SEMA6D: variants seen among roughly 807,000 people sequenced by gnomAD.
The protein encoded by SEMA6D is semaphorin 6D, also known as semaphorin-6D.
A neutral mutation model predicts 106.6 loss-of-function variants in SEMA6D; 35 were observed. That is an observed-to-expected ratio of 0.33 (90% confidence interval 0.25 to 0.44). The LOEUF (loss-of-function observed/expected upper bound fraction) is 0.44, where lower values mean the gene tolerates loss of function less well. Ranked by LOEUF, SEMA6D falls within the 20% of genes least tolerant of loss-of-function variation. The pLI, the probability that SEMA6D is intolerant of heterozygous loss-of-function variation, is 1.00. For synonymous variants in SEMA6D, 499 were observed against 487.7 expected (o/e 1.02, Z -0.31); for missense variants, 1,185 against 1,345.9 (o/e 0.88, Z 1.87).
At chr15:47,746,984 G>GTGTGTATATATATATATATATATA (rs1401767590) in intron 1 of SEMA6D, among the ~76,000 whole-genome samples, 5 of 122,044 alleles carry the variant, frequency 4.1e-5, no homozygotes, top group South Asian at 2.8e-4. Context: ...GTGTGTGTGT[G>GTGTGTATATATATATATATATATA]TATATATATA....
At chr15:47,441,892 C>G (rs902043002) in intron 2 of SEMA6D, among the ~76,000 whole-genome samples, 1 of 151,922 alleles carries the variant, frequency 6.6e-6, no homozygotes, top group African/African-American at 2.4e-5. Context: ...ACTCAGAGAT[C>G]TCCTGTAACC....
intron 1 of SEMA6D, among the ~76,000 whole-genome samples, chr15:47,322,474 A>G (rs1301876419): frequency 6.6e-6 from 1 of 152,036 alleles, no homozygotes. Flanking sequence ...TTTTTCAGGT[A>G]CTTTCTCATC....
intron 2 of SEMA6D, among the ~76,000 whole-genome samples, chr15:47,432,362 G>A (rs16959485): frequency 0.25 from 37,536 of 151,940 alleles, 5,571 homozygotes; most frequent in Middle Eastern, 0.45. Flanking sequence ...ATTTTGTTGA[G>A]ACTGGTGAAA....
At chr15:47,357,102 A>AGGCG (rs2038604830) in intron 1 of SEMA6D, among the ~76,000 whole-genome samples, 1 of 152,044 alleles carries the variant, frequency 6.6e-6, no homozygotes, top group Admixed American at 6.6e-5. Context: ...TGGGAGGCGG[A>AGGCG]GGCGGGCGGA....
chr15:47,626,028 G>A (rs1331620025), intron 4 of SEMA6D, among the ~76,000 whole-genome samples: 3 of 152,144 alleles, frequency 2.0e-5, no homozygotes, highest in Admixed American at 6.5e-5. Context: ...CCTGGGGCAG[G>A]TGAATGAGAT....
chr15:47,760,456 T>A, intron 3 of SEMA6D, 41 bp downstream of exon 3: 2 of 1,477,190 alleles, frequency 1.4e-6, no homozygotes, highest in East Asian at 2.3e-5. Flanking sequence ...AAAATTCTTT[T>A]CTCTTGTGGT....
At chr15:47,199,586 A>G (rs184719562) in intron 1 of SEMA6D, among the ~76,000 whole-genome samples, 14 of 152,284 alleles carry the variant, frequency 9.2e-5, no homozygotes, top group East Asian at 3.9e-4. Context: ...TTCCTTCCAA[A>G]AAAATGATGT....
At chr15:47,428,097 GAGA>G (rs1337670612) in intron 2 of SEMA6D, among the ~76,000 whole-genome samples, 5 of 151,964 alleles carry the variant, frequency 3.3e-5, no homozygotes, top group Non-Finnish European at 5.9e-5. Flanking sequence ...TAAAAAAAGA[GAGA>G]AGAAGCTGAA....
intron 4 of SEMA6D, among the ~76,000 whole-genome samples, chr15:47,691,308 C>G (rs1380173697): frequency 6.6e-6 from 1 of 152,062 alleles, no homozygotes; most frequent in Non-Finnish European, 1.5e-5. Flanking sequence ...TCCCTCTGGG[C>G]TTGAAGGGAG....
intron 3 of SEMA6D, among the ~76,000 whole-genome samples, chr15:47,501,584 T>TA (rs1051542834): frequency 9.9e-5 from 15 of 152,192 alleles, no homozygotes; most frequent in Admixed American, 2.6e-4. Context: ...CCTTGCTTAA[T>TA]ATGTGGGATC....
At chr15:47,727,659 C>A (rs1421174073) in intron 1 of SEMA6D, among the ~76,000 whole-genome samples, 2 of 151,864 alleles carry the variant, frequency 1.3e-5, no homozygotes, top group Non-Finnish European at 1.5e-5. Context: ...GTGGCTTCCC[C>A]CCCAACCCCC....
At chr15:47,343,933 C>A (rs915264944) in intron 1 of SEMA6D, among the ~76,000 whole-genome samples, 1 of 152,124 alleles carries the variant, frequency 6.6e-6, no homozygotes, top group South Asian at 2.1e-4. Flanking sequence ...AGGGTATGAA[C>A]AGACACTCCT....
chr15:47,539,193 G>C (rs1008418977), intron 3 of SEMA6D, among the ~76,000 whole-genome samples: 1 of 152,092 alleles, frequency 6.6e-6, no homozygotes, highest in African/African-American at 2.4e-5. Flanking sequence ...CCTATATTGT[G>C]ATGTGCTTGT....
intron 3 of SEMA6D, among the ~76,000 whole-genome samples, chr15:47,474,638 C>G (rs2042951869): frequency 6.6e-6 from 1 of 152,174 alleles, no homozygotes; most frequent in Admixed American, 6.5e-5. Context: ...CATTTAACAC[C>G]TACGCAAGTT....
intron 2 of SEMA6D, among the ~76,000 whole-genome samples, chr15:47,423,969 G>T (rs1337975301): frequency 6.6e-6 from 1 of 152,086 alleles, no homozygotes; most frequent in African/African-American, 2.4e-5. Flanking sequence ...GACAGACAAA[G>T]AACTCACGTT....
intron 1 of SEMA6D, among the ~76,000 whole-genome samples, chr15:47,346,615 T>C (rs2038057568): frequency 6.6e-6 from 1 of 152,188 alleles, no homozygotes; most frequent in East Asian, 1.9e-4. Context: ...ACAGAATGAT[T>C]ATAGTGAAAT....
rs373777303 is a variant in SEMA6D, at chr15:47,762,207, G to A, written c.546G>A (p.Lys182=). ...QTNVALFADG[K]LYSATVADFL... ...TTATACCTTTGGTTTCAGATGGGAAGCTGTATTCTGCCACAGTGGCTGACT... is the reference window on the plus strand; with the variant it reads ...TTATACCTTTGGTTTCAGATGGGAAACTGTATTCTGCCACAGTGGCTGACT... The change falls in exon 8 of 19, where the codon AAG becomes AAA. Residue 182 remains lysine (K), a synonymous_variant. Coordinates refer to ENST00000536845, the MANE Select transcript of SEMA6D (RefSeq NM_001358351.3). 9.3e-6 allele frequency: 15 copies of A among 1,613,638 alleles called. No homozygotes were observed. In the African/African-American group the frequency reaches 1.7e-4, roughly 19 times the overall value.
intron 1 of SEMA6D, among the ~76,000 whole-genome samples, chr15:47,388,504 G>C (rs894595109): frequency 1.3e-5 from 2 of 152,068 alleles, no homozygotes; most frequent in African/African-American, 4.8e-5. Flanking sequence ...TCCTCCCTTT[G>C]TTCAGTGTAT....
chr15:47,202,394 A>T (rs1360108482), intron 1 of SEMA6D, among the ~76,000 whole-genome samples: 1 of 151,972 alleles, frequency 6.6e-6, no homozygotes, highest in Non-Finnish European at 1.5e-5. Flanking sequence ...GCAGAGTTTA[A>T]CTGGTGTATG....
Sources: allele counts gnomAD v4.1 joint callset (sites outside exome capture counted in the v4.1 genomes callset), GRCh38; gene constraint gnomAD v4.1.1; transcripts MANE v1.5; gene names NCBI Gene and HGNC (gene_info 2026-07-23, HGNC 2026-07-21).